ITSN1: variants seen among roughly 807,000 people sequenced by gnomAD.
The protein encoded by ITSN1 is intersectin-1.
Under a neutral mutation model 239.8 loss-of-function variants are expected in ITSN1, and 58 were observed. The ratio of observed to expected loss-of-function variants is 0.24; its 90% CI spans 0.20 to 0.30. ITSN1 has a LOEUF of 0.30. Among genes scored for constraint, ITSN1 ranks in the 10% least tolerant of loss-of-function variants. The pLI, the probability that ITSN1 is intolerant of heterozygous loss-of-function variation, is 1.00. For missense variants in ITSN1, 1,558 were observed against 2,103.3 expected, an observed-to-expected ratio of 0.74 and a Z score of 5.07; for synonymous variants, 780 against 770.8, an observed-to-expected ratio of 1.01 and a Z score of -0.20.
chr21:33,728,380 G>A (rs1204137276), intron 4 of ITSN1, among the ~76,000 whole-genome samples: 1 of 151,998 alleles, frequency 6.6e-6, no homozygotes, highest in African/African-American at 2.4e-5. Context: ...CTACAGGCGC[G>A]CGCCACTATG....
chr21:33,725,477 GTAGT>G (rs2065775224), intron 4 of ITSN1, among the ~76,000 whole-genome samples: 5 of 152,098 alleles, frequency 3.3e-5, no homozygotes, highest in Non-Finnish European at 5.9e-5. Context: ...GTGCATGCCT[GTAGT>G]CTTAGCTGCT....
At chr21:33,776,939 T>C (rs1489457039) in intron 14 of ITSN1, among the ~76,000 whole-genome samples, 1 of 152,154 alleles carries the variant, frequency 6.6e-6, no homozygotes, top group East Asian at 1.9e-4. Flanking sequence ...CCGTTTTTTT[T>C]CTTTTGGTGT....
chr21:33,887,650 G>C (rs1454771838), intron 39 of ITSN1, among the ~76,000 whole-genome samples: 1 of 151,580 alleles, frequency 6.6e-6, no homozygotes, highest in Non-Finnish European at 1.5e-5. Context: ...CTGTCACTCA[G>C]GCTGGAGCAC....
At chr21:33,705,649 C>G (rs2092224403) in intron 1 of ITSN1, among the ~76,000 whole-genome samples, 1 of 152,182 alleles carries the variant, frequency 6.6e-6, no homozygotes, top group Non-Finnish European at 1.5e-5. Context: ...GCCTCAGCCT[C>G]CCAAAGTGCT....
chr21:33,663,288 C>G (rs1029968116), intron 1 of ITSN1, among the ~76,000 whole-genome samples: 3 of 152,188 alleles, frequency 2.0e-5, no homozygotes, highest in African/African-American at 7.2e-5. Context: ...AGATATATTA[C>G]CTTTTAGATT....
intron 20 of ITSN1, among the ~76,000 whole-genome samples, chr21:33,806,441 G>C (rs1412902863): frequency 6.6e-6 from 1 of 152,206 alleles, no homozygotes; most frequent in Non-Finnish European, 1.5e-5. Flanking sequence ...CAAGGTCAGA[G>C]ATTTTAGAAA....
intron 21 of ITSN1, among the ~76,000 whole-genome samples, chr21:33,812,899 A>G (rs1196485402): frequency 2.0e-5 from 3 of 152,214 alleles, no homozygotes; most frequent in African/African-American, 7.2e-5. Context: ...TGTGGCATCT[A>G]GGCATACTAC....
At position 33,818,318 on chromosome 21, in the gene ITSN1, A is replaced by G; in HGVS notation, c.2779A>G (p.Lys927Glu). ...QAQALYPWRA[K>E]KDNHLNFNKN... ...TCAAGCCCTATATCCTTGGAGAGCCAAAAAAGACAACCACTTAAATTTTAA... is the reference window on the plus strand; with the variant it reads ...TCAAGCCCTATATCCTTGGAGAGCCGAAAAAGACAACCACTTAAATTTTAA... Residue 927 changes from lysine to glutamate, a missense_variant, in exon 23 of 40, where the codon AAA (lysine) becomes GAA (glutamate). By Grantham distance (56) the Lys-to-Glu change is moderately conservative (BLOSUM62 1). This residue lies in a region of ITSN1 where 982 missense variants were observed against 1,209.9 expected (regional missense o/e 0.81). Coordinates refer to ENST00000381318, the MANE Select transcript of ITSN1 (RefSeq NM_003024.3). 6.2e-7 allele frequency: 1 copy of G among 1,613,914 alleles called. No homozygotes were observed. The highest frequency in any genetic ancestry group is 8.5e-7 in the Non-Finnish European group (1 of 1,179,748).
At chr21:33,659,036 A>T (rs952037945) in intron 1 of ITSN1, among the ~76,000 whole-genome samples, 2 of 152,096 alleles carry the variant, frequency 1.3e-5, no homozygotes, top group Non-Finnish European at 2.9e-5. Flanking sequence ...GCAGGATTGG[A>T]GGGTTGGAAC....
intron 39 of ITSN1, 44 bp downstream of exon 39, chr21:33,886,504 C>A: frequency 6.8e-7 from 1 of 1,477,666 alleles, no homozygotes; most frequent in Non-Finnish European, 9.1e-7. Context: ...TTCCCTGGCA[C>A]TCGTTTGCGT....
chr21:33,853,986 C>A (rs528803092), intron 29 of ITSN1, among the ~76,000 whole-genome samples: 1 of 152,320 alleles, frequency 6.6e-6, no homozygotes, highest in South Asian at 2.1e-4. Flanking sequence ...GGAGTCTCTC[C>A]TCTTCTGTCC....
rs1802359 is a variant in ITSN1, at chr21:33,838,178, C to T, written c.3661+1546C>T. The stretch of plus-strand genomic sequence containing the variant: ...AGTTGGAAGCTCTCAATAAAAATGC[C>T]TGCTGCTCACAGCACAGAAAATGGG... On this transcript the variant is annotated intron_variant, in intron 29 of 39. Coordinates refer to ENST00000381318, the MANE Select transcript of ITSN1 (RefSeq NM_003024.3). The T allele has an allele frequency of 4.1e-3, 4,036 of 985,380 alleles. 120 individuals are homozygous for T. In the African/African-American group the frequency reaches 0.064, roughly 16 times the overall value. The allele number at this position is 985,380 out of a possible 1,614,324, so 61.0% of individuals were successfully genotyped here.
intron 28 of ITSN1, among the ~76,000 whole-genome samples, chr21:33,836,189 C>T (rs1372094920): frequency 6.6e-6 from 1 of 152,108 alleles, no homozygotes; most frequent in Non-Finnish European, 1.5e-5. Context: ...TTTCTGCTGA[C>T]AAGTAAACAT....
chr21:33,690,814 T>TAC (rs1322314747), intron 1 of ITSN1, among the ~76,000 whole-genome samples: 1 of 16,280 alleles, frequency 6.1e-5, no homozygotes, highest in Non-Finnish European at 1.2e-4. Context: ...TATATATATA[T>TAC]GTATATATAT....
In ITSN1 at chr21:33,829,466, C is replaced by T. The variant is rs752051780; in HGVS notation, c.3230-158C>T. ...CGTGTCTGCCTGGTAGCTCTGGGAA[C>T]GGGCGATTCAGGGAGCCTTACTCGT... On this transcript the variant is annotated intron_variant, in intron 26 of 39. Transcript: ENST00000381318. The T allele has an allele frequency of 4.8e-5, 35 of 726,324 alleles. No individual in the cohort carries two copies. In the East Asian group the frequency reaches 6.7e-4, roughly 14 times the overall value. The allele number at this position is 726,324 out of a possible 1,614,324, so 45.0% of individuals were successfully genotyped here.
intron 21 of ITSN1, among the ~76,000 whole-genome samples, chr21:33,813,383 C>T (rs1168114765): frequency 6.6e-6 from 1 of 151,732 alleles, no homozygotes; most frequent in Admixed American, 6.6e-5. Context: ...GACAGAGTCT[C>T]ACTCTGTCAT....
intron 4 of ITSN1, among the ~76,000 whole-genome samples, chr21:33,733,622 A>AG (rs1226938949): frequency 6.6e-6 from 1 of 151,192 alleles, no homozygotes; most frequent in East Asian, 1.9e-4. Flanking sequence ...CTAACAACAA[A>AG]AGACATGCAA....
In ITSN1 at chr21:33,814,019, G is replaced by T. The variant is rs778127066; in HGVS notation, c.2674G>T (p.Ala892Ser). Reference protein sequence around the residue: ...PSAGQLRQRSAFTPATATGSS... With the variant: ...PSAGQLRQRSSFTPATATGSS... ...TGCCGGCCAGTTAAGGCAGAGGTCC[G>T]CCTTTACTCCAGCCACGGCCACTGG... Residue 892 changes from alanine to serine, a missense_variant, in exon 22 of 40, where the codon GCC (alanine) becomes TCC (serine). Ala to Ser is a moderately conservative substitution (Grantham distance 99). This residue lies in a region of ITSN1 where 982 missense variants were observed against 1,209.9 expected (regional missense o/e 0.81). Coordinates refer to ENST00000381318, the MANE Select transcript of ITSN1 (RefSeq NM_003024.3). The T allele has an allele frequency of 6.2e-7, 1 of 1,614,088 alleles. No homozygotes were observed. The highest frequency in any genetic ancestry group is 2.2e-5 in the East Asian group (1 of 44,888).
chr21:33,701,110 G>C (rs2091992622), intron 1 of ITSN1, among the ~76,000 whole-genome samples: 1 of 151,970 alleles, frequency 6.6e-6, no homozygotes, highest in Admixed American at 6.6e-5. Flanking sequence ...CCTGGTCTCA[G>C]TAGTTAAGAA....
Sources: allele counts gnomAD v4.1 joint callset (sites outside exome capture counted in the v4.1 genomes callset), GRCh38; gene constraint gnomAD v4.1.1; regional missense constraint gnomAD v4.1.1; transcripts MANE v1.5; gene names NCBI Gene and HGNC (gene_info 2026-07-23, HGNC 2026-07-21).